The following TESK2 variants were observed in gnomAD, a reference collection of about 807,000 sequenced individuals.
The protein encoded by TESK2 is testis associated actin remodelling kinase 2.
A neutral mutation model predicts 57.1 loss-of-function variants in TESK2; 39 were observed. That is an observed-to-expected ratio of 0.68 (90% CI 0.53 to 0.89). The LOEUF is 0.89. Among genes scored for constraint, TESK2 ranks in the 40% least tolerant of loss-of-function variants. The pLI is 0.00. For missense variants in TESK2, 646 were observed against 732.1 expected (o/e 0.88, Z 1.36); for synonymous variants, 249 against 267.9 (o/e 0.93, Z 0.69).
intron 2 of TESK2, among the ~76,000 whole-genome samples, chr1:45,437,414 AC>A (rs1198062804): frequency 6.6e-6 from 1 of 152,094 alleles, no homozygotes; most frequent in East Asian, 1.9e-4. Flanking sequence ...GAATCCTGTA[AC>A]TTTACTGAAT....
intron 2 of TESK2, among the ~76,000 whole-genome samples, chr1:45,423,275 A>C (rs1258715605): frequency 1.3e-5 from 2 of 152,170 alleles, no homozygotes; most frequent in Non-Finnish European, 2.9e-5. Context: ...AAAAATCCAT[A>C]GGCCGGGCAC....
intron 1 of TESK2, among the ~76,000 whole-genome samples, chr1:45,484,101 CTTCTT>C (rs1274148579): frequency 2.7e-4 from 32 of 118,066 alleles, no homozygotes; most frequent in Non-Finnish European, 4.7e-4. Context: ...ATTTTTAATT[CTTCTT>C]TTTTTTTTTT....
At chr1:45,418,081 G>T (rs935026572) in intron 3 of TESK2, among the ~76,000 whole-genome samples, 2 of 152,208 alleles carry the variant, frequency 1.3e-5, no homozygotes, top group African/African-American at 4.8e-5. Context: ...TAGCAGGAAA[G>T]ATGCCAAAAT....
chr1:45,439,723 G>C (rs1651362421), intron 2 of TESK2, among the ~76,000 whole-genome samples: 1 of 152,164 alleles, frequency 6.6e-6, no homozygotes, highest in South Asian at 2.1e-4. Flanking sequence ...AGGAAGCTGA[G>C]ACAGGAGAAT....
intron 9 of TESK2, 87 bp downstream of exon 9, chr1:45,346,606 T>C (rs1647147547): frequency 1.8e-6 from 2 of 1,141,946 alleles, no homozygotes. Context: ...CTCATGAAGC[T>C]AATTAGCAGC....
intron 4 of TESK2, among the ~76,000 whole-genome samples, chr1:45,358,880 G>A (rs751915444): frequency 1.3e-5 from 2 of 152,166 alleles, no homozygotes; most frequent in Non-Finnish European, 2.9e-5. Context: ...TTACCACTAC[G>A]TTGCACTGGA....
At chr1:45,351,470 T>C (rs955716984) in intron 5 of TESK2, among the ~76,000 whole-genome samples, 1 of 152,230 alleles carries the variant, frequency 6.6e-6, no homozygotes, top group Non-Finnish European at 1.5e-5. Context: ...ATAAAGGTAA[T>C]ACTACTTTCA....
chr1:45,384,067 T>C (rs1218937307), intron 4 of TESK2, among the ~76,000 whole-genome samples: 4 of 152,220 alleles, frequency 2.6e-5, no homozygotes, highest in African/African-American at 9.6e-5. Context: ...ATGTATTAAA[T>C]AATTTATACA....
At chr1:45,441,618 T>A (rs981717699) in intron 2 of TESK2, among the ~76,000 whole-genome samples, 1 of 59,884 alleles carries the variant, frequency 1.7e-5, no homozygotes, top group Non-Finnish European at 3.1e-5. Flanking sequence ...AAAATTATTC[T>A]TTTTTTTTTT....
At chr1:45,407,843 G>A (rs1649906329) in intron 3 of TESK2, among the ~76,000 whole-genome samples, 1 of 152,140 alleles carries the variant, frequency 6.6e-6, no homozygotes, top group South Asian at 2.1e-4. Context: ...GGACTTATAT[G>A]CATGCCTACT....
At chr1:45,463,959 T>G (rs1489884290) in intron 1 of TESK2, among the ~76,000 whole-genome samples, 1 of 152,122 alleles carries the variant, frequency 6.6e-6, no homozygotes, top group African/African-American at 2.4e-5. Context: ...TAATTTGAAG[T>G]CAAGTAATGT....
intron 1 of TESK2, among the ~76,000 whole-genome samples, chr1:45,473,176 A>G (rs1652845370): frequency 6.7e-6 from 1 of 150,090 alleles, no homozygotes; most frequent in South Asian, 2.1e-4. Context: ...AGTCACTAGC[A>G]CTTACTAAAA....
intron 1 of TESK2, among the ~76,000 whole-genome samples, chr1:45,464,767 T>G (rs751786922): frequency 5.3e-5 from 8 of 152,136 alleles, no homozygotes; most frequent in Non-Finnish European, 1.0e-4. Context: ...GCTCAATGGG[T>G]CTGGTTTTAC....
At chr1:45,368,302 T>G (rs1014527131) in intron 4 of TESK2, among the ~76,000 whole-genome samples, 8 of 151,530 alleles carry the variant, frequency 5.3e-5, no homozygotes, top group Non-Finnish European at 1.2e-4. Flanking sequence ...GCCTGACCAT[T>G]GTAATATCTT....
In TESK2 at chr1:45,378,418, A is replaced by G. The variant is rs536726908; in HGVS notation, c.393+7494T>C. ...ATAAAAGGCTTGCAGCTTCCACTTG[A>G]GTGGTTTGTACCAGTCTAACTATCC... On this transcript the variant is annotated intron_variant, in intron 4 of 10. Transcript: ENST00000372086. 1.4e-3 allele frequency among the ~76,000 whole-genome samples: 214 copies of G among 152,308 alleles called. 1 individual carries two copies. Among genetic ancestry groups the G allele is most frequent in the Non-Finnish European group, 1.9e-3 (128 of 68,016 alleles).
At chr1:45,477,797 A>G (rs1298298644) in intron 1 of TESK2, among the ~76,000 whole-genome samples, 1 of 152,000 alleles carries the variant, frequency 6.6e-6, no homozygotes, top group East Asian at 1.9e-4. Context: ...TAGGCTAATC[A>G]TTATTCCCTA....
chr1:45,490,285 A>T (rs1383942888), intron 1 of TESK2, among the ~76,000 whole-genome samples: 1 of 152,228 alleles, frequency 6.6e-6, no homozygotes, highest in Non-Finnish European at 1.5e-5. Flanking sequence ...CTTGTAGCGA[A>T]ATCTGAACAC....
At chr1:45,438,618 T>A (rs1651319998) in intron 2 of TESK2, among the ~76,000 whole-genome samples, 1 of 152,236 alleles carries the variant, frequency 6.6e-6, no homozygotes, top group African/African-American at 2.4e-5. Flanking sequence ...TGAGGGTTTG[T>A]TGTTCAGATT....
At chr1:45,355,079 G>C (rs2149265073) in intron 5 of TESK2, among the ~76,000 whole-genome samples, 1 of 151,906 alleles carries the variant, frequency 6.6e-6, no homozygotes. Context: ...AGGAGACTGA[G>C]GCACGAGAGT....
Sources: allele counts gnomAD v4.1 joint callset (sites outside exome capture counted in the v4.1 genomes callset), GRCh38; gene constraint gnomAD v4.1.1; transcripts MANE v1.5; gene names NCBI Gene and HGNC (gene_info 2026-07-23, HGNC 2026-07-21).